The following PDSS2 variants were observed in gnomAD, a reference collection of about 807,000 sequenced individuals.
The protein encoded by PDSS2 is all trans-polyprenyl-diphosphate synthase PDSS2.
A neutral mutation model predicts 44.5 loss-of-function variants in PDSS2; 31 were observed. The ratio of observed to expected loss-of-function variants is 0.70; its 90% CI spans 0.52 to 0.94. The LOEUF (loss-of-function observed/expected upper bound fraction) is 0.94, where lower values mean the gene tolerates loss of function less well. Ranked by LOEUF, PDSS2 falls within the 40% of genes least tolerant of loss-of-function variation. PDSS2 has a pLI of 0.00. For missense variants in PDSS2, 452 were observed against 482.2 expected, an observed-to-expected ratio of 0.94 and a Z score of 0.59; for synonymous variants, 157 against 180.3, an observed-to-expected ratio of 0.87 and a Z score of 1.03.
At chr6:107,274,377 GTC>G in intron 2 of PDSS2, 150 bp from the exon 3 acceptor site, 1 of 688,048 alleles carries the variant, frequency 1.5e-6, no homozygotes, top group Non-Finnish European at 2.6e-6. Context: ...TTAAATAGAG[GTC>G]TCTCTACTGA....
chr6:107,231,684 C>G (rs535634333), intron 4 of PDSS2, among the ~76,000 whole-genome samples: 6 of 152,234 alleles, frequency 3.9e-5, no homozygotes, highest in Admixed American at 3.3e-4. Flanking sequence ...TTATTTCTCC[C>G]TTCAAAAATT....
intron 1 of PDSS2, among the ~76,000 whole-genome samples, chr6:107,334,848 C>T (rs1777832270): frequency 6.6e-6 from 1 of 151,998 alleles, no homozygotes; most frequent in South Asian, 2.1e-4. Flanking sequence ...ATGCCCAGCC[C>T]ATGGCCAGTT....
At chr6:107,173,591 A>AAAAC (rs1771682776) in intron 7 of PDSS2, among the ~76,000 whole-genome samples, 1 of 150,126 alleles carries the variant, frequency 6.7e-6, no homozygotes, top group Non-Finnish European at 1.5e-5. Flanking sequence ...AAAAAAAAAA[A>AAAAC]AAAAAACGCT....
chr6:107,336,826 GT>G (rs1356174279), intron 1 of PDSS2, among the ~76,000 whole-genome samples: 28 of 332 alleles, frequency 0.084, no homozygotes, highest in Non-Finnish European at 0.18. Flanking sequence ...GAGGTGTGTG[GT>G]GTGTGTGTGT....
intron 1 of PDSS2, among the ~76,000 whole-genome samples, chr6:107,426,854 G>GTACCCC: frequency 6.6e-6 from 1 of 152,266 alleles, no homozygotes; most frequent in East Asian, 1.9e-4. Flanking sequence ...CCCAATGCCT[G>GTACCCC]TACCCCCATT....
intron 6 of PDSS2, among the ~76,000 whole-genome samples, chr6:107,206,044 T>C (rs567285633): frequency 3.3e-5 from 5 of 152,346 alleles, no homozygotes; most frequent in African/African-American, 1.2e-4. Flanking sequence ...AGCAAGATTT[T>C]TCTGTTTCTC....
intron 1 of PDSS2, among the ~76,000 whole-genome samples, chr6:107,381,066 A>G (rs1021953036): frequency 5.3e-5 from 8 of 152,130 alleles, no homozygotes; most frequent in Admixed American, 1.3e-4. Flanking sequence ...AGTCTACCCT[A>G]TCTACTTCTA....
At chr6:107,375,536 T>TA (rs1049406425) in intron 1 of PDSS2, among the ~76,000 whole-genome samples, 4 of 152,046 alleles carry the variant, frequency 2.6e-5, no homozygotes, top group Non-Finnish European at 5.9e-5. Flanking sequence ...TAAGAAGAAG[T>TA]AAAAAAACTA....
intron 4 of PDSS2, among the ~76,000 whole-genome samples, chr6:107,221,473 CT>C (rs11306502): frequency 0.76 from 115,299 of 151,588 alleles, 44,520 homozygotes; most frequent in East Asian, 0.99. Flanking sequence ...ACGGGATTTC[CT>C]TTTTTTTTCC....
At chr6:107,157,817 C>G (rs1212319798) in intron 7 of PDSS2, among the ~76,000 whole-genome samples, 6 of 152,020 alleles carry the variant, frequency 3.9e-5, no homozygotes, top group African/African-American at 1.4e-4. Flanking sequence ...ATTACAGGCA[C>G]CCGCCACCAC....
At chr6:107,232,263 T>C (rs1774078289) in intron 4 of PDSS2, among the ~76,000 whole-genome samples, 1 of 152,202 alleles carries the variant, frequency 6.6e-6, no homozygotes, top group Non-Finnish European at 1.5e-5. Context: ...TCTGCCCCTC[T>C]GAAATTGAAC....
At chr6:107,327,902 G>A in intron 2 of PDSS2, among the ~76,000 whole-genome samples, 1 of 152,220 alleles carries the variant, frequency 6.6e-6, no homozygotes. Flanking sequence ...ATAATAAACT[G>A]CCATCCCTTT....
chr6:107,426,794 G>C (rs761864351), intron 1 of PDSS2, among the ~76,000 whole-genome samples: 2 of 152,114 alleles, frequency 1.3e-5, no homozygotes, highest in Non-Finnish European at 2.9e-5. Flanking sequence ...CATGAGGCCT[G>C]TAGCCCCTTT....
At chr6:107,222,624 C>T (rs913387386) in intron 4 of PDSS2, among the ~76,000 whole-genome samples, 1 of 144,652 alleles carries the variant, frequency 6.9e-6, no homozygotes, top group African/African-American at 2.6e-5. Flanking sequence ...CACTGCACTC[C>T]AGCCTGGGTG....
intron 2 of PDSS2, among the ~76,000 whole-genome samples, chr6:107,276,132 AG>A (rs1266173233): frequency 5.9e-5 from 9 of 151,334 alleles, no homozygotes; most frequent in South Asian, 4.2e-4. Flanking sequence ...AGGAAAGAAA[AG>A]AAAAGAAAAG....
chr6:107,245,132 C>G (rs1774564039), intron 4 of PDSS2, among the ~76,000 whole-genome samples: 1 of 152,070 alleles, frequency 6.6e-6, no homozygotes, highest in South Asian at 2.1e-4. Context: ...ACCCCCATCC[C>G]ACCTCCCCAA....
At chr6:107,395,559 G>A (rs1171703807) in intron 1 of PDSS2, among the ~76,000 whole-genome samples, 2 of 151,950 alleles carry the variant, frequency 1.3e-5, no homozygotes, top group African/African-American at 4.8e-5. Flanking sequence ...TTATATAAGT[G>A]AAATTCATTA....
At chr6:107,419,256 T>C (rs1462966544) in intron 1 of PDSS2, among the ~76,000 whole-genome samples, 2 of 152,172 alleles carry the variant, frequency 1.3e-5, no homozygotes, top group Non-Finnish European at 2.9e-5. Context: ...GTCTCAAAAA[T>C]GCTACAAATG....
chr6:107,307,773 T>A (rs984535836), intron 2 of PDSS2, among the ~76,000 whole-genome samples: 7 of 152,162 alleles, frequency 4.6e-5, no homozygotes, highest in Admixed American at 1.3e-4. Flanking sequence ...GGTTCTTTTT[T>A]AAAAAGGAAA....
Sources: allele counts gnomAD v4.1 joint callset (sites outside exome capture counted in the v4.1 genomes callset), GRCh38; gene constraint gnomAD v4.1.1; transcripts MANE v1.5; gene names NCBI Gene and HGNC (gene_info 2026-07-23, HGNC 2026-07-21).